Variants in DCLK2 observed in about 807,000 individuals in gnomAD.
DCLK2 encodes doublecortin like kinase 2.
In DCLK2, 31 loss-of-function variants were observed where a neutral mutation model predicts 78.4. The ratio of observed to expected loss-of-function variants is 0.40; its 90% CI spans 0.30 to 0.53. DCLK2 has a LOEUF of 0.53. Ranked by LOEUF, DCLK2 falls within the 20% of genes least tolerant of loss-of-function variation. The pLI is 0.61. For synonymous variants in DCLK2, 407 were observed against 374.9 expected (o/e 1.09, Z -0.99); for missense variants, 872 against 973.7 (o/e 0.90, Z 1.39).
intron 1 of DCLK2, among the ~76,000 whole-genome samples, chr4:150,095,352 C>T (rs1474975551): frequency 1.3e-5 from 2 of 152,224 alleles, no homozygotes; most frequent in African/African-American, 4.8e-5. Flanking sequence ...TTACTTTTTC[C>T]ATTTCAAACT....
At position 150,079,227 on chromosome 4, in the gene DCLK2, C is replaced by T. The variant is rs1451562829; in HGVS notation, c.200C>T (p.Ser67Leu). ...ACGCGGACCCTGCAGGCCCTCAGCT[C>T]GGAGAAGAAGGCCAAGAAGGCGCGC... is the stretch of plus-strand genomic sequence containing the variant. ...YRTRTLQALS[S>L]EKKAKKARFY... The change falls in exon 1 of 16, where the codon TCG becomes TTG. Residue 67 changes from serine to leucine, a missense_variant. This residue lies in a region of DCLK2 where 567 missense variants were observed against 593.4 expected (regional missense o/e 0.96). Coordinates refer to ENST00000296550, the MANE Select transcript of DCLK2 (RefSeq NM_001040260.4). 6.2e-7 allele frequency: 1 copy of T among 1,610,870 alleles called. No homozygotes were observed. Among genetic ancestry groups the T allele is most frequent in the Non-Finnish European group, 8.5e-7 (1 of 1,178,702 alleles).
intron 2 of DCLK2, among the ~76,000 whole-genome samples, chr4:150,165,181 C>T (rs557000863): frequency 2.0e-5 from 3 of 152,208 alleles, no homozygotes; most frequent in African/African-American, 7.2e-5. Context: ...TTAACAACTG[C>T]TGAGGACTAT....
intron 2 of DCLK2, among the ~76,000 whole-genome samples, chr4:150,124,099 A>G (rs1213790352): frequency 6.6e-6 from 1 of 152,094 alleles, no homozygotes; most frequent in Non-Finnish European, 1.5e-5. Flanking sequence ...ACAAACTTTC[A>G]TGAATATTCT....
intron 3 of DCLK2, among the ~76,000 whole-genome samples, chr4:150,194,206 C>A (rs1738690885): frequency 6.6e-6 from 1 of 152,124 alleles, no homozygotes; most frequent in South Asian, 2.1e-4. Flanking sequence ...CAGGTCCTTA[C>A]CGTTGTGTTA....
At chr4:150,105,634 G>T (rs1013949673) in intron 2 of DCLK2, among the ~76,000 whole-genome samples, 2 of 151,906 alleles carry the variant, frequency 1.3e-5, no homozygotes, top group Non-Finnish European at 2.9e-5. Context: ...TATCCTAAAT[G>T]ACCTGACATG....
At chr4:150,128,341 G>A (rs962002781) in intron 2 of DCLK2, among the ~76,000 whole-genome samples, 2 of 152,060 alleles carry the variant, frequency 1.3e-5, no homozygotes. Context: ...AAATGGCCAG[G>A]GTAAGGAGTG....
intron 3 of DCLK2, among the ~76,000 whole-genome samples, chr4:150,196,328 A>T (rs1193589309): frequency 1.3e-5 from 2 of 152,030 alleles, no homozygotes; most frequent in Non-Finnish European, 2.9e-5. Flanking sequence ...GTAGCAATGC[A>T]TTTAAGATGT....
intron 2 of DCLK2, among the ~76,000 whole-genome samples, chr4:150,136,150 A>G (rs956464607): frequency 2.0e-5 from 3 of 152,188 alleles, no homozygotes; most frequent in Non-Finnish European, 4.4e-5. Context: ...GAAGGGAGGA[A>G]TGTAAGTAAG....
chr4:150,132,022 ACATCCATAAAGG>A (rs1733348181), intron 2 of DCLK2, among the ~76,000 whole-genome samples: 1 of 152,170 alleles, frequency 6.6e-6, no homozygotes, highest in Non-Finnish European at 1.5e-5. Flanking sequence ...TACAATTTGC[ACATCCATAAAGG>A]CAGCCCTGTG....
chr4:150,149,056 AG>A (rs1272361341), intron 2 of DCLK2, among the ~76,000 whole-genome samples: 18 of 147,336 alleles, frequency 1.2e-4, no homozygotes, highest in East Asian at 2.0e-4. Context: ...AAAAAAAAAA[AG>A]AAAGAAATGG....
intron 2 of DCLK2, among the ~76,000 whole-genome samples, chr4:150,133,651 A>G (rs1398726396): frequency 1.3e-5 from 2 of 152,258 alleles, no homozygotes; most frequent in Admixed American, 6.5e-5. Context: ...CAACATTTCC[A>G]AATTAAACAT....
At chr4:150,250,480 A>G (rs988350352) in intron 15 of DCLK2, among the ~76,000 whole-genome samples, 1 of 152,046 alleles carries the variant, frequency 6.6e-6, no homozygotes, top group African/African-American at 2.4e-5. Flanking sequence ...CCAGCCAGCC[A>G]CCCAGGCAGG....
chr4:150,161,213 A>T (rs923854334), intron 2 of DCLK2, among the ~76,000 whole-genome samples: 8 of 152,218 alleles, frequency 5.3e-5, no homozygotes, highest in African/African-American at 1.7e-4. Context: ...ATCAGAGTAG[A>T]ATTGCCCAGA....
intron 2 of DCLK2, among the ~76,000 whole-genome samples, chr4:150,149,387 T>C (rs1734729554): frequency 2.0e-5 from 3 of 152,294 alleles, no homozygotes; most frequent in East Asian, 1.9e-4. Flanking sequence ...AACTGACTCT[T>C]GGTATATATT....
At chr4:150,250,659 G>C (rs573513804) in intron 15 of DCLK2, among the ~76,000 whole-genome samples, 1 of 151,864 alleles carries the variant, frequency 6.6e-6, no homozygotes, top group South Asian at 2.1e-4. Context: ...GACAGCTAAG[G>C]ATGGGCCACC....
intron 2 of DCLK2, among the ~76,000 whole-genome samples, chr4:150,134,306 T>C (rs1208872167): frequency 6.6e-6 from 1 of 152,100 alleles, no homozygotes; most frequent in Non-Finnish European, 1.5e-5. Context: ...GCTCTCGAAC[T>C]TCTGACCTCA....
intron 6 of DCLK2, among the ~76,000 whole-genome samples, 185 bp from the exon 7 acceptor site, chr4:150,221,492 A>G (rs1741184953): frequency 6.6e-6 from 1 of 152,184 alleles, no homozygotes; most frequent in African/African-American, 2.4e-5. Flanking sequence ...TCTGATTTCA[A>G]CCAACGAAGT....
At chr4:150,225,765 G>T (rs563703901) in intron 8 of DCLK2, among the ~76,000 whole-genome samples, 4 of 152,230 alleles carry the variant, frequency 2.6e-5, no homozygotes, top group Admixed American at 6.5e-5. Context: ...TTAGAATTAC[G>T]TATATGGATC....
Position 150,184,791 on chromosome 4 carries a change from C to T in DCLK2, c.757-8347C>T, listed in dbSNP as rs186540063. Among the ~76,000 whole-genome samples, 743 of 151,978 alleles carry T rather than the reference C, an allele frequency of 4.9e-3. 4 individuals are homozygous for T. The highest frequency in any genetic ancestry group is 0.016 in the African/African-American group (668 of 41,476). ...TAATTTTTTGTATTTTTAGTAGAGA[C>T]GGGGTTTCACCATATTAGCCAGGAT... On this transcript the variant is annotated intron_variant, in intron 2 of 15. Transcript: ENST00000296550.
Sources: allele counts gnomAD v4.1 joint callset (sites outside exome capture counted in the v4.1 genomes callset), GRCh38; gene constraint gnomAD v4.1.1; regional missense constraint gnomAD v4.1.1; transcripts MANE v1.5; gene names NCBI Gene and HGNC (gene_info 2026-07-23, HGNC 2026-07-21).